Variants in TNFRSF19 observed in about 807,000 individuals in gnomAD.
TNFRSF19 encodes the protein TNF receptor superfamily member 19, also known as tumor necrosis factor receptor superfamily member 19.
TNFRSF19 carries 27 observed loss-of-function variants against 46.4 expected under a neutral mutation model. That is an observed-to-expected ratio of 0.58 (90% CI 0.43 to 0.80). TNFRSF19 has a LOEUF of 0.80. Among genes scored for constraint, TNFRSF19 ranks in the 30% least tolerant of loss-of-function variants. TNFRSF19 has a pLI of 0.00. For missense variants in TNFRSF19, 511 were observed against 530.8 expected, an observed-to-expected ratio of 0.96 and a Z score of 0.37; for synonymous variants, 204 against 205.0, an observed-to-expected ratio of 1.00 and a Z score of 0.04.
At chr13:23,624,505 T>C (rs1458403740) in intron 4 of TNFRSF19, among the ~76,000 whole-genome samples, 1 of 152,178 alleles carries the variant, frequency 6.6e-6, no homozygotes, top group Non-Finnish European at 1.5e-5. Flanking sequence ...TAGTTTCAAA[T>C]GCAAATTTTG....
At chr13:23,642,279 T>C (rs1424302547) in intron 5 of TNFRSF19, among the ~76,000 whole-genome samples, 1 of 152,316 alleles carries the variant, frequency 6.6e-6, no homozygotes, top group East Asian at 1.9e-4. Context: ...CTCTCCACTG[T>C]ATAGGCGGTT....
Position 23,674,640 on chromosome 13 carries a change from T to A in TNFRSF19, c.*1260T>A, listed in dbSNP as rs1210699915. On this transcript the variant is annotated 3_prime_UTR_variant, in exon 10 of 10. Coordinates refer to ENST00000248484, the MANE Select transcript of TNFRSF19 (RefSeq NM_148957.4). ...CAGTCACAAAGCAGGGAATGGTTCATTTACTCTTAATCTTTATGCCCTGGA... is the reference window on the plus strand; with the variant it reads ...CAGTCACAAAGCAGGGAATGGTTCAATTACTCTTAATCTTTATGCCCTGGA... 6.6e-6 allele frequency: 1 copy of A among 152,228 alleles called. No individual in the cohort carries two copies. Among genetic ancestry groups the A allele is most frequent in the East Asian group, 1.9e-4 (1 of 5,196 alleles). The allele number at this position is 152,228 out of a possible 1,614,324, so 9.4% of individuals were successfully genotyped here.
rs1166975421 is a variant in TNFRSF19, at chr13:23,576,777, CCATT to C, written c.-35+5934_-35+5937del. On this transcript the variant is annotated intron_variant, in intron 1 of 9. Coordinates refer to ENST00000248484, the MANE Select transcript of TNFRSF19 (RefSeq NM_148957.4). ...GTGTACATGTTCAGTACAGACACAACCATTCATTTTTTTTCAAATATTTTCAATC... is the reference window on the plus strand; with the variant it reads ...GTGTACATGTTCAGTACAGACACAACCATTTTTTTTCAAATATTTTCAATC... Among the ~76,000 whole-genome samples, 4 of 152,170 alleles carry C rather than the reference CCATT, an allele frequency of 2.6e-5. No homozygotes were observed. The East Asian group carries it at 7.7e-4, about 29-fold the overall frequency.
Position 23,639,893 on chromosome 13 carries a change from A to C in TNFRSF19, c.445+13101A>C, listed in dbSNP as rs78302589. On this transcript the variant is annotated intron_variant, in intron 5 of 9. Coordinates refer to ENST00000248484, the MANE Select transcript of TNFRSF19 (RefSeq NM_148957.4). Reference sequence around the variant, plus strand: ...TTTTCTAGCAATTGAAATACAAAGGACTTATTGTTGCAGTCAGAATGAATG... The same window carrying C: ...TTTTCTAGCAATTGAAATACAAAGGCCTTATTGTTGCAGTCAGAATGAATG... Among the ~76,000 whole-genome samples the C allele has an allele frequency of 7.3e-3, 1,113 of 152,322 alleles. 17 individuals are homozygous for C. Among genetic ancestry groups the C allele is most frequent in the African/African-American group, 0.026 (1,068 of 41,556 alleles).
intron 3 of TNFRSF19, among the ~76,000 whole-genome samples, chr13:23,607,011 C>A (rs762442728): frequency 2.6e-5 from 4 of 152,210 alleles, no homozygotes; most frequent in Non-Finnish European, 4.4e-5. Context: ...TTACATTTAA[C>A]TGGCTAATTT....
At chr13:23,614,477 A>G (rs1881118601) in intron 3 of TNFRSF19, among the ~76,000 whole-genome samples, 1 of 152,100 alleles carries the variant, frequency 6.6e-6, no homozygotes, top group Non-Finnish European at 1.5e-5. Context: ...AAAAATGGGA[A>G]TGTTGAACTA....
chr13:23,667,868 A>C, intron 7 of TNFRSF19, 112 bp from the exon 8 acceptor site: 1 of 882,482 alleles, frequency 1.1e-6, no homozygotes, highest in Non-Finnish European at 1.7e-6. Context: ...TTTTCCCCCA[A>C]AAGTCACCCA....
chr13:23,658,374 A>C (rs1489610804), intron 5 of TNFRSF19, among the ~76,000 whole-genome samples: 1 of 152,222 alleles, frequency 6.6e-6, no homozygotes, highest in Non-Finnish European at 1.5e-5. Flanking sequence ...CATGGGGTTC[A>C]GAATCTGCCC....
chr13:23,595,754 A>T (rs1485324662), intron 3 of TNFRSF19, among the ~76,000 whole-genome samples: 2 of 152,216 alleles, frequency 1.3e-5, no homozygotes, highest in Non-Finnish European at 2.9e-5. Flanking sequence ...CAGGAAATAC[A>T]GAGAACACCA....
intron 7 of TNFRSF19, among the ~76,000 whole-genome samples, chr13:23,664,873 CT>C (rs921746126): frequency 6.6e-6 from 1 of 152,080 alleles, no homozygotes; most frequent in Non-Finnish European, 1.5e-5. Flanking sequence ...CAAATAAGTA[CT>C]TGTGGATCTA....
At chr13:23,593,015 A>G (rs545647992) in intron 2 of TNFRSF19, among the ~76,000 whole-genome samples, 2 of 152,048 alleles carry the variant, frequency 1.3e-5, no homozygotes, top group Non-Finnish European at 2.9e-5. Flanking sequence ...TCTTACTTAG[A>G]GAAGAGAACA....
intron 3 of TNFRSF19, among the ~76,000 whole-genome samples, chr13:23,608,367 G>A (rs1880659267): frequency 6.6e-6 from 1 of 152,198 alleles, no homozygotes; most frequent in Non-Finnish European, 1.5e-5. Flanking sequence ...AGTAAGCCAG[G>A]TACTATGTGA....
intron 7 of TNFRSF19, among the ~76,000 whole-genome samples, chr13:23,664,603 A>G (rs1446781065): frequency 6.6e-6 from 1 of 152,188 alleles, no homozygotes; most frequent in Non-Finnish European, 1.5e-5. Context: ...ACCCATCTGT[A>G]TTTGTTTTCA....
At chr13:23,628,185 T>C (rs1003195883) in intron 5 of TNFRSF19, among the ~76,000 whole-genome samples, 1 of 152,212 alleles carries the variant, frequency 6.6e-6, no homozygotes, top group Admixed American at 6.5e-5. Context: ...ATATTCAAAT[T>C]CCAGTCCAAT....
chr13:23,604,239 A>G (rs1880363387), intron 3 of TNFRSF19, among the ~76,000 whole-genome samples: 1 of 150,220 alleles, frequency 6.7e-6, no homozygotes, highest in South Asian at 2.1e-4. Context: ...AATTAAAAAC[A>G]CAATATAATT....
At chr13:23,614,465 G>GA (rs1881116728) in intron 3 of TNFRSF19, among the ~76,000 whole-genome samples, 1 of 152,056 alleles carries the variant, frequency 6.6e-6, no homozygotes, top group South Asian at 2.1e-4. Flanking sequence ...AAATTTTACA[G>GA]AAAAAATGGG....
At chr13:23,620,274 A>C (rs1881566989) in intron 4 of TNFRSF19, among the ~76,000 whole-genome samples, 1 of 152,184 alleles carries the variant, frequency 6.6e-6, no homozygotes, top group Admixed American at 6.5e-5. Context: ...GCTCCCCAAA[A>C]AGCAATGCAG....
intron 1 of TNFRSF19, among the ~76,000 whole-genome samples, chr13:23,580,882 C>A (rs1345249671): frequency 6.6e-6 from 1 of 152,324 alleles, no homozygotes; most frequent in South Asian, 2.1e-4. Context: ...AAATGTCTTA[C>A]CATATCTACT....
intron 5 of TNFRSF19, among the ~76,000 whole-genome samples, chr13:23,653,590 G>C (rs1010973242): frequency 2.0e-5 from 3 of 152,142 alleles, no homozygotes; most frequent in Admixed American, 2.0e-4. Context: ...CAGTCTAGGG[G>C]AGCATTGTGG....
Sources: allele counts gnomAD v4.1 joint callset (sites outside exome capture counted in the v4.1 genomes callset), GRCh38; gene constraint gnomAD v4.1.1; transcripts MANE v1.5; gene names NCBI Gene and HGNC (gene_info 2026-07-23, HGNC 2026-07-21).